NRIP1: variants seen among roughly 807,000 people sequenced by gnomAD.
The protein encoded by NRIP1 is nuclear receptor-interacting protein 1.
NRIP1 carries 28 observed loss-of-function variants against 75.0 expected under a neutral mutation model. The ratio of observed to expected loss-of-function variants is 0.37; its 90% CI spans 0.28 to 0.51. The LOEUF (loss-of-function observed/expected upper bound fraction) is 0.51. NRIP1 is among the 20% of genes least tolerant of loss of function. NRIP1 has a pLI of 0.92. For missense variants in NRIP1, 1,435 were observed against 1,343.7 expected (o/e 1.07, Z -1.06); for synonymous variants, 526 against 487.6 (o/e 1.08, Z -1.04).
rs1178568459 is a variant in NRIP1, at chr21:15,064,838, CT to C, written c.-632del. ...TCCTGGCCCGGCGCCCCGGCGAGCT[CT>C]TCCCTCCGACCAGCGGCGCTCACGG... On this transcript the variant is annotated 5_prime_UTR_variant, in exon 1 of 4. Transcript: ENST00000318948. The C allele has an allele frequency of 2.7e-5, 4 of 148,238 alleles. No individual in the cohort carries two copies. In the South Asian group the frequency reaches 8.3e-4, roughly 31 times the overall value. The allele number at this position is 148,238 out of a possible 1,614,324, so 9.2% of individuals were successfully genotyped here.
chr21:14,994,386 G>C (rs904777081), intron 3 of NRIP1, among the ~76,000 whole-genome samples: 1 of 152,082 alleles, frequency 6.6e-6, no homozygotes, highest in East Asian at 1.9e-4. Context: ...CAGCCTCCCA[G>C]AATGCTGGGA....
At position 15,062,002 on chromosome 21, in the gene NRIP1, T is replaced by C. The variant is rs74732016; in HGVS notation, c.-538+2743A>G. On this transcript the variant is annotated intron_variant, in intron 1 of 3. Transcript: ENST00000318948. ...CTGCTTTCAGATATGCGTTAATTCA[T>C]TTTTAGTTGTCCTCAATGTTCTAAA... is the stretch of plus-strand genomic sequence containing the variant. Among the ~76,000 whole-genome samples the C allele has an allele frequency of 7.9e-3, 1,202 of 152,344 alleles. 12 individuals are homozygous for C. The highest frequency in any genetic ancestry group is 0.028 in the African/African-American group (1,171 of 41,578).
chr21:15,063,977 C>T (rs111819754), intron 1 of NRIP1, among the ~76,000 whole-genome samples: 7 of 152,334 alleles, frequency 4.6e-5, no homozygotes, highest in African/African-American at 1.7e-4. Flanking sequence ...ACACCAACTC[C>T]TGATCAAAAT....
intron 3 of NRIP1, among the ~76,000 whole-genome samples, chr21:14,979,278 A>C (rs916998404): frequency 6.6e-6 from 1 of 152,212 alleles, no homozygotes; most frequent in Non-Finnish European, 1.5e-5. Flanking sequence ...TCTCTATCAA[A>C]ATAAGAAATG....
chr21:14,992,018 G>T (rs2087586502), intron 3 of NRIP1, among the ~76,000 whole-genome samples: 1 of 151,796 alleles, frequency 6.6e-6, no homozygotes, highest in South Asian at 2.1e-4. Context: ...ATTGTACACA[G>T]CCCAAAGGAA....
At chr21:15,008,978 T>C (rs917731517) in intron 3 of NRIP1, among the ~76,000 whole-genome samples, 1 of 152,234 alleles carries the variant, frequency 6.6e-6, no homozygotes, top group South Asian at 2.1e-4. Flanking sequence ...TCAGTTGATA[T>C]GAATCTCATA....
chr21:14,965,441 C>T lies in NRIP1; in HGVS notation c.2752G>A (p.Ala918Thr). The T allele has an allele frequency of 1.9e-6, 3 of 1,613,918 alleles. No individual in the cohort carries two copies. The highest frequency in any genetic ancestry group is 2.5e-6 in the Non-Finnish European group (3 of 1,179,902). The change falls in exon 4 of 4, where the codon GCC (alanine) becomes ACC (threonine). Residue 918 changes from alanine to threonine, a missense_variant. Coordinates refer to ENST00000318948, the MANE Select transcript of NRIP1 (RefSeq NM_003489.4). ...CAACTCCTGTGTTCACTTTCGCTGG[C>T]TGAGCCATGACCAGCAGGATATTTA... ...EFKYPAGHGS[A>T]SESEHRSWAR... is the part of the protein sequence containing the mutation.
chr21:14,975,964 A>T (rs1413082962), intron 3 of NRIP1, among the ~76,000 whole-genome samples: 1 of 152,172 alleles, frequency 6.6e-6, no homozygotes, highest in East Asian at 1.9e-4. Flanking sequence ...TGAGTCTATT[A>T]AGGACACATT....
chr21:14,965,108 G>T lies in NRIP1; in HGVS notation c.3085C>A (p.Leu1029Ile), dbSNP rs775841777. Residue 1029 changes from leucine to isoleucine, a missense_variant, in exon 4 of 4, where the codon CTT becomes ATT. Coordinates refer to ENST00000318948, the MANE Select transcript of NRIP1 (RefSeq NM_003489.4). ...CTGGGCATGGAACACCCATTCAAAA[G>T]CCCAGATTCTGGTCTAGACCCTGCA... ...GCAGSRPESGLLNGCSMPSEK... is the reference protein window; with the variant it reads ...GCAGSRPESGILNGCSMPSEK... 9 of 1,613,028 alleles carry T rather than the reference G, an allele frequency of 5.6e-6. No individual in the cohort carries two copies. In the South Asian group the frequency reaches 8.8e-5, roughly 16 times the overall value.
In NRIP1 at chr21:14,968,103, T is replaced by G. The variant is rs1231922909; in HGVS notation, c.90A>C (p.Ala30=). ...YLEGLLMHQA[A]GGSGTAVDKK... Reference sequence around the variant, plus strand: ...TGTCAACGGCAGTACCTGATCCCCCTGCTGCCTGATGCATTAGTAATCCTT... The same window carrying G: ...TGTCAACGGCAGTACCTGATCCCCCGGCTGCCTGATGCATTAGTAATCCTT... Residue 30 remains alanine, a synonymous_variant, in exon 4 of 4, where the codon GCA becomes GCC. Coordinates refer to ENST00000318948, the MANE Select transcript of NRIP1 (RefSeq NM_003489.4). The G allele has an allele frequency of 6.2e-7, 1 of 1,614,008 alleles. No individual in the cohort carries two copies. Among genetic ancestry groups the G allele is most frequent in the Non-Finnish European group, 8.5e-7 (1 of 1,180,022 alleles).
chr21:14,985,628 G>A (rs536404839), intron 3 of NRIP1, among the ~76,000 whole-genome samples: 136 of 152,204 alleles, frequency 8.9e-4, no homozygotes, highest in African/African-American at 3.2e-3. Flanking sequence ...TAAAGTTTTT[G>A]TAAGATGATC....
Position 14,966,451 on chromosome 21 carries a change from G to C in NRIP1, c.1742C>G (p.Pro581Arg). The change falls in exon 4 of 4, where the codon CCA becomes CGA. Residue 581 changes from proline to arginine, a missense_variant. Pro to Arg is a moderately radical substitution (Grantham distance 103). Coordinates refer to ENST00000318948, the MANE Select transcript of NRIP1 (RefSeq NM_003489.4). ...HSLVIKWNSP[P>R]YVCSTQSEKL... Reference sequence around the variant, plus strand: ...TTCAGACTGAGTACTGCAGACATATGGTGGGGAATTCCATTTGATGACCAG... The same window carrying C: ...TTCAGACTGAGTACTGCAGACATATCGTGGGGAATTCCATTTGATGACCAG... The C allele has an allele frequency of 6.2e-7, 1 of 1,614,062 alleles. No homozygotes were observed. Among genetic ancestry groups the C allele is most frequent in the Non-Finnish European group, 8.5e-7 (1 of 1,179,960 alleles).
At chr21:15,051,667 T>G (rs1484724634) in intron 1 of NRIP1, 1 of 152,228 alleles carries the variant, frequency 6.6e-6, no homozygotes, top group Admixed American at 6.5e-5. Flanking sequence ...GAAAGTATAA[T>G]ACTCTATAAC....
At chr21:14,999,247 G>A (rs578079294) in intron 3 of NRIP1, among the ~76,000 whole-genome samples, 21 of 152,250 alleles carry the variant, frequency 1.4e-4, no homozygotes, top group African/African-American at 5.1e-4. Context: ...AAACTGCTGG[G>A]CTTACAGGGG....
At chr21:15,053,415 C>T (rs1017387171) in intron 1 of NRIP1, among the ~76,000 whole-genome samples, 2 of 152,272 alleles carry the variant, frequency 1.3e-5, no homozygotes, top group Admixed American at 1.3e-4. Context: ...GTTTTATTCA[C>T]CCTTTTCATT....
At chr21:15,042,501 T>C (rs2088978379) in intron 2 of NRIP1, among the ~76,000 whole-genome samples, 1 of 152,218 alleles carries the variant, frequency 6.6e-6, no homozygotes, top group Admixed American at 6.5e-5. Context: ...CCAAAATTCA[T>C]AAATTGAAAC....
At chr21:15,040,362 C>T (rs1479565088) in intron 2 of NRIP1, among the ~76,000 whole-genome samples, 1 of 152,008 alleles carries the variant, frequency 6.6e-6, no homozygotes, top group Non-Finnish European at 1.5e-5. Context: ...TTTAAACTTA[C>T]ATAATGTAGC....
intron 3 of NRIP1, among the ~76,000 whole-genome samples, chr21:14,977,154 C>T (rs1000119941): frequency 6.6e-6 from 1 of 152,098 alleles, no homozygotes; most frequent in African/African-American, 2.4e-5. Context: ...TGGATAATTT[C>T]AGGGGTATTT....
intron 2 of NRIP1, among the ~76,000 whole-genome samples, chr21:15,017,882 G>C (rs975903394): frequency 6.6e-6 from 1 of 152,000 alleles, no homozygotes; most frequent in African/African-American, 2.4e-5. Context: ...TTAATGGTTG[G>C]TCTCTACTAA....
Sources: allele counts gnomAD v4.1 joint callset (sites outside exome capture counted in the v4.1 genomes callset), GRCh38; gene constraint gnomAD v4.1.1; transcripts MANE v1.5; gene names NCBI Gene and HGNC (gene_info 2026-07-23, HGNC 2026-07-21).